FGF14: variants seen among roughly 807,000 people sequenced by gnomAD.
FGF14 encodes the protein fibroblast growth factor homologous factor 4.
FGF14 carries 5 observed loss-of-function variants against 25.5 expected under a neutral mutation model. That is an observed-to-expected ratio of 0.20 (90% CI 0.10 to 0.41). The LOEUF (loss-of-function observed/expected upper bound fraction) is 0.41, where lower values mean the gene tolerates loss of function less well. FGF14 is among the 10% of genes least tolerant of loss of function. The pLI, the probability that FGF14 is intolerant of heterozygous loss-of-function variation, is 1.00. For missense variants in FGF14, 222 were observed against 320.1 expected, an observed-to-expected ratio of 0.69 and a Z score of 2.34; for synonymous variants, 138 against 118.3, an observed-to-expected ratio of 1.17 and a Z score of -1.08.
At chr13:102,327,362 T>G (rs2056487583) in intron 1 of FGF14, among the ~76,000 whole-genome samples, 1 of 152,248 alleles carries the variant, frequency 6.6e-6, no homozygotes, top group African/African-American at 2.4e-5. Context: ...CCACTAATTA[T>G]TATTGTTATC....
intron 3 of FGF14, among the ~76,000 whole-genome samples, chr13:101,797,878 T>G (rs1201797575): frequency 1.3e-5 from 2 of 151,952 alleles, no homozygotes; most frequent in African/African-American, 4.8e-5. Flanking sequence ...ATTTGTTCAA[T>G]AATCATTGTC....
chr13:101,819,621 A>C (rs1285097070), intron 3 of FGF14, among the ~76,000 whole-genome samples: 1 of 152,266 alleles, frequency 6.6e-6, no homozygotes, highest in Non-Finnish European at 1.5e-5. Flanking sequence ...TTACTTCAAA[A>C]TAACTGCATC....
intron 1 of FGF14, among the ~76,000 whole-genome samples, chr13:102,148,726 C>T (rs1030252812): frequency 2.6e-5 from 4 of 152,016 alleles, no homozygotes; most frequent in Non-Finnish European, 5.9e-5. Context: ...AGGAGGTGGA[C>T]GTTGCAGTGA....
At chr13:101,793,782 A>G (rs1447440150) in intron 3 of FGF14, among the ~76,000 whole-genome samples, 1 of 152,030 alleles carries the variant, frequency 6.6e-6, no homozygotes, top group East Asian at 1.9e-4. Flanking sequence ...CTGACCCCCT[A>G]AATATGTGAG....
At chr13:102,148,292 A>C (rs1446025612) in intron 1 of FGF14, among the ~76,000 whole-genome samples, 2 of 152,228 alleles carry the variant, frequency 1.3e-5, no homozygotes, top group African/African-American at 2.4e-5. Context: ...AATAATTATA[A>C]AATCACTTTA....
intron 3 of FGF14, among the ~76,000 whole-genome samples, chr13:101,831,227 CAT>C (rs2042654122): frequency 6.7e-6 from 1 of 150,026 alleles, no homozygotes; most frequent in Non-Finnish European, 1.5e-5. Context: ...ATAAGTATTA[CAT>C]ATGTTAGTTA....
chr13:102,347,213 C>A (rs1293020140), intron 1 of FGF14, among the ~76,000 whole-genome samples: 5 of 152,140 alleles, frequency 3.3e-5, no homozygotes, highest in African/African-American at 9.7e-5. Flanking sequence ...ATATTGAGGT[C>A]CTTCTAGGTA....
intron 1 of FGF14, among the ~76,000 whole-genome samples, chr13:102,157,354 C>T (rs1179879803): frequency 6.6e-6 from 1 of 152,120 alleles, no homozygotes; most frequent in Non-Finnish European, 1.5e-5. Flanking sequence ...AATAATGCCA[C>T]ATATTTACAA....
chr13:101,875,428 T>A, intron 1 of FGF14, 132 bp from the exon 2 acceptor site: 1 of 699,214 alleles, frequency 1.4e-6, no homozygotes, highest in South Asian at 1.6e-5. Context: ...GTCTCTCAGA[T>A]TCTTCTGTGT....
chr13:102,058,909 G>A (rs1426852455), intron 1 of FGF14, among the ~76,000 whole-genome samples: 15 of 147,804 alleles, frequency 1.0e-4, no homozygotes, highest in South Asian at 4.3e-4. Context: ...TCATGATATC[G>A]AATTGCTCAA....
chr13:102,257,477 G>C (rs954341014), intron 1 of FGF14, among the ~76,000 whole-genome samples: 1 of 148,054 alleles, frequency 6.8e-6, no homozygotes, highest in Non-Finnish European at 1.5e-5. Context: ...CCAGGAGCCT[G>C]AGTAGTTGGG....
intron 1 of FGF14, among the ~76,000 whole-genome samples, chr13:102,041,060 G>A (rs77342353): frequency 0.024 from 3,700 of 151,718 alleles, 265 homozygotes; most frequent in East Asian, 0.19. Context: ...CACTCAAGTC[G>A]GTGATTTCTA....
intron 1 of FGF14, among the ~76,000 whole-genome samples, chr13:102,227,498 G>A (rs550458679): frequency 6.6e-6 from 1 of 152,030 alleles, no homozygotes; most frequent in South Asian, 2.1e-4. Flanking sequence ...TGTCCCCTAT[G>A]CATCCCCACC....
intron 1 of FGF14, among the ~76,000 whole-genome samples, chr13:102,370,769 C>G (rs928774403): frequency 1.3e-5 from 2 of 152,120 alleles, no homozygotes; most frequent in African/African-American, 2.4e-5. Flanking sequence ...ATGCACCCAT[C>G]TTAAACATTT....
chr13:102,037,882 T>C (rs2041552772), intron 1 of FGF14, among the ~76,000 whole-genome samples: 1 of 152,056 alleles, frequency 6.6e-6, no homozygotes, highest in Non-Finnish European at 1.5e-5. Context: ...AAAGTATAAA[T>C]TTCCCTTTAT....
At position 101,898,804 on chromosome 13, in the gene FGF14, A is replaced by G. The variant is rs951670112; in HGVS notation, c.193+17649T>C. Among the ~76,000 whole-genome samples the G allele has an allele frequency of 2.6e-5, 4 of 152,182 alleles. No individual in the cohort carries two copies. The South Asian group carries it at 8.3e-4, about 31-fold the overall frequency. On this transcript the variant is annotated intron_variant, in intron 1 of 4. Transcript: ENST00000376143. Reference sequence around the variant, plus strand: ...AAAACAAGAAGAGAAAAGAAAGAAAATTGGTTGATGGCACTGGAGAGCTTC... The same window carrying G: ...AAAACAAGAAGAGAAAAGAAAGAAAGTTGGTTGATGGCACTGGAGAGCTTC...
At chr13:101,970,267 TATTCA>T (rs67047221) in intron 1 of FGF14, among the ~76,000 whole-genome samples, 46,469 of 151,892 alleles carry the variant, frequency 0.31, 7,710 homozygotes, top group East Asian at 0.71. Context: ...AGGAAACATT[TATTCA>T]ATTCAATTTA....
chr13:102,306,412 G>A (rs2055381873), intron 1 of FGF14, among the ~76,000 whole-genome samples: 1 of 138,450 alleles, frequency 7.2e-6, no homozygotes, highest in Non-Finnish European at 1.6e-5. Context: ...GAAGGCAGAT[G>A]ATGGAGGGGA....
At chr13:102,223,568 T>G (rs1240600660) in intron 1 of FGF14, among the ~76,000 whole-genome samples, 1 of 152,220 alleles carries the variant, frequency 6.6e-6, no homozygotes, top group Non-Finnish European at 1.5e-5. Flanking sequence ...TTATTTACGA[T>G]GGCCTACGGC....
Sources: gnomAD v4.1 joint callset for allele counts (sites outside exome capture counted in the v4.1 genomes callset) on GRCh38, gnomAD v4.1.1 for gene constraint, MANE v1.5 for transcripts, NCBI Gene and HGNC (gene_info 2026-07-23, HGNC 2026-07-21) for gene names.